Variants in DNAJC24 observed in about 807,000 individuals in gnomAD.
The protein encoded by DNAJC24 is dnaJ homolog subfamily C member 24.
DNAJC24 carries 17 observed loss-of-function variants against 18.0 expected under a neutral mutation model. That is an observed-to-expected ratio of 0.94 (90% CI 0.65 to 1.42). The LOEUF is 1.42. Among genes scored for constraint, DNAJC24 ranks in the 40% most tolerant of loss-of-function variants. The probability of loss-of-function intolerance (pLI) is 0.00; values close to 1 mark genes in which losing one functional copy is unlikely to be tolerated. For missense variants in DNAJC24, 158 were observed against 175.6 expected, an observed-to-expected ratio of 0.90 and a Z score of 0.57; for synonymous variants, 55 against 57.7, an observed-to-expected ratio of 0.95 and a Z score of 0.21.
chr11:31,402,591 G>A (rs142985013), intron 2 of DNAJC24, among the ~76,000 whole-genome samples: 2 of 152,050 alleles, frequency 1.3e-5, no homozygotes. Flanking sequence ...TAACTCCAGC[G>A]TCAACCTCCT....
chr11:31,411,129 C>T (rs532325318), intron 2 of DNAJC24, among the ~76,000 whole-genome samples: 1 of 152,064 alleles, frequency 6.6e-6, no homozygotes, highest in Non-Finnish European at 1.5e-5. Context: ...AATGAGTCGA[C>T]CTCCCACAGG....
At position 31,430,632 on chromosome 11, in the gene DNAJC24, G is replaced by C; in HGVS notation, c.*231G>C. 4.7e-6 allele frequency: 1 copy of C among 214,638 alleles called. No homozygotes were observed. The highest frequency in any genetic ancestry group is 1.0e-4 in the East Asian group (1 of 9,688). The allele number at this position is 214,638 out of a possible 1,614,324, so 13.3% of individuals were successfully genotyped here. On this transcript the variant is annotated 3_prime_UTR_variant, in exon 5 of 5. Coordinates refer to ENST00000465995, the MANE Select transcript of DNAJC24 (RefSeq NM_181706.5). ...CACAAAAATAGATTTGATTATATTTGGTGAATTCCCATCTGAGAACTTTAT... is the reference window on the plus strand; with the variant it reads ...CACAAAAATAGATTTGATTATATTTCGTGAATTCCCATCTGAGAACTTTAT...
chr11:31,429,093 T>A (rs972455028), intron 4 of DNAJC24, among the ~76,000 whole-genome samples: 5 of 152,094 alleles, frequency 3.3e-5, no homozygotes, highest in Non-Finnish European at 5.9e-5. Flanking sequence ...AGTACATAGA[T>A]GTTGGCTTAG....
chr11:31,403,159 G>A (rs925917266), intron 2 of DNAJC24, among the ~76,000 whole-genome samples: 5 of 148,220 alleles, frequency 3.4e-5, no homozygotes, highest in African/African-American at 1.2e-4. Context: ...GTGTGTGTGT[G>A]TATCATTCTT....
At chr11:31,398,625 G>GT (rs1952567807) in intron 2 of DNAJC24, among the ~76,000 whole-genome samples, 1 of 152,084 alleles carries the variant, frequency 6.6e-6, no homozygotes, top group Non-Finnish European at 1.5e-5. Context: ...CTTGTTTACT[G>GT]TTTTTTTCCC....
At chr11:31,382,246 C>T (rs1190895812) in intron 2 of DNAJC24, among the ~76,000 whole-genome samples, 1 of 152,098 alleles carries the variant, frequency 6.6e-6, no homozygotes, top group Non-Finnish European at 1.5e-5. Flanking sequence ...CTCACTTGTA[C>T]CATTTATGAT....
Position 31,432,324 on chromosome 11 carries a change from T to A in DNAJC24, c.*1923T>A. The A allele has an allele frequency of 1.9e-6, 1 of 517,280 alleles. No homozygotes were observed. 32.0% of individuals were successfully genotyped at this position (517,280 alleles called of 1,614,324 possible). On this transcript the variant is annotated 3_prime_UTR_variant, in exon 5 of 5. Coordinates refer to ENST00000465995, the MANE Select transcript of DNAJC24 (RefSeq NM_181706.5). Reference sequence around the variant, plus strand: ...CTTTTTTGGGTTACATTTTTATCCATATATTTTGAACTAACAGAACTTGGC... The same window carrying A: ...CTTTTTTGGGTTACATTTTTATCCAAATATTTTGAACTAACAGAACTTGGC...
chr11:31,413,318 A>AATACTATCT (rs1308490296), intron 2 of DNAJC24, among the ~76,000 whole-genome samples: 2 of 151,704 alleles, frequency 1.3e-5, no homozygotes, highest in Non-Finnish European at 2.9e-5. Context: ...TTATTGGATA[A>AATACTATCT]ATACTATCTT....
chr11:31,390,922 CAT>C (rs1952488912), intron 2 of DNAJC24, among the ~76,000 whole-genome samples: 1 of 152,020 alleles, frequency 6.6e-6, no homozygotes, highest in African/African-American at 2.4e-5. Context: ...AAAAGGAAAA[CAT>C]AGGCCAATAT....
At chr11:31,415,535 GAGAA>G (rs750641681) in intron 3 of DNAJC24, 1 of 151,988 alleles carries the variant, frequency 6.6e-6, no homozygotes, top group Non-Finnish European at 1.5e-5. Flanking sequence ...AAGCTGTTAT[GAGAA>G]AGAAAGAGGG....
chr11:31,410,906 T>C (rs905526256), intron 2 of DNAJC24, among the ~76,000 whole-genome samples: 12 of 152,236 alleles, frequency 7.9e-5, no homozygotes, highest in African/African-American at 2.9e-4. Context: ...TATTAATATA[T>C]CAGTTTGTCC....
intron 2 of DNAJC24, among the ~76,000 whole-genome samples, chr11:31,406,724 T>C (rs1162378784): frequency 1.3e-5 from 2 of 152,116 alleles, no homozygotes; most frequent in African/African-American, 4.8e-5. Flanking sequence ...TAGAAGATGA[T>C]TGCTGGGGAC....
At chr11:31,408,766 G>A (rs149453425) in intron 2 of DNAJC24, among the ~76,000 whole-genome samples, 4 of 152,044 alleles carry the variant, frequency 2.6e-5, no homozygotes, top group Non-Finnish European at 1.5e-5. Context: ...ATTTAAAGAA[G>A]AATTTAAGTT....
At chr11:31,429,381 G>C (rs1952896449) in intron 4 of DNAJC24, 1 of 284,120 alleles carries the variant, frequency 3.5e-6, no homozygotes, top group Non-Finnish European at 7.8e-6. Context: ...ATGGAATGAA[G>C]ATATTTGTAT....
chr11:31,373,127 G>GT (rs1952282342), intron 2 of DNAJC24, among the ~76,000 whole-genome samples: 1 of 134,474 alleles, frequency 7.4e-6, no homozygotes, highest in African/African-American at 2.5e-5. Context: ...CTCCTAGTCT[G>GT]TGATTTACCA....
At chr11:31,370,539 G>A (rs1023471317) in intron 1 of DNAJC24, among the ~76,000 whole-genome samples, 177 bp from the exon 2 acceptor site, 45 of 151,708 alleles carry the variant, frequency 3.0e-4, no homozygotes, top group African/African-American at 1.1e-3. Flanking sequence ...CATACTTGTC[G>A]GTACACTTAT....
Position 31,430,349 on chromosome 11 carries a change from T to C in DNAJC24, c.398T>C (p.Leu133Pro). Residue 133 changes from leucine to proline, a missense_variant, in exon 5 of 5, where the codon CTG becomes CCG. By Grantham distance (98) the Leu-to-Pro change is moderately conservative (BLOSUM62 -3). Coordinates refer to ENST00000465995, the MANE Select transcript of DNAJC24 (RefSeq NM_181706.5). ...VSKDEAEEVS[L>P]ISCDTCSLII... ...AAGGATGAAGCGGAAGAAGTTAGCC[T>C]GATTTCTTGTGATACATGTTCACTA... The C allele has an allele frequency of 6.2e-7, 1 of 1,610,674 alleles. No homozygotes were observed. Among genetic ancestry groups the C allele is most frequent in the Non-Finnish European group, 8.5e-7 (1 of 1,177,630 alleles).
intron 2 of DNAJC24, among the ~76,000 whole-genome samples, chr11:31,413,107 A>G (rs989180030): frequency 6.6e-6 from 1 of 152,122 alleles, no homozygotes; most frequent in Non-Finnish European, 1.5e-5. Context: ...AGTCAGTGAA[A>G]TAATTTAAAT....
At chr11:31,391,116 A>G (rs117185440) in intron 2 of DNAJC24, among the ~76,000 whole-genome samples, 130 of 152,312 alleles carry the variant, frequency 8.5e-4, no homozygotes, top group Admixed American at 3.3e-3. Context: ...TAATCATTTC[A>G]ATTGATACTG....
Sources: allele counts gnomAD v4.1 joint callset (sites outside exome capture counted in the v4.1 genomes callset), GRCh38; gene constraint gnomAD v4.1.1; transcripts MANE v1.5; gene names NCBI Gene and HGNC (gene_info 2026-07-23, HGNC 2026-07-21).